MAP2K3: variants seen among roughly 807,000 people sequenced by gnomAD.
The protein encoded by MAP2K3 is mitogen-activated protein kinase kinase 3, also known as dual specificity mitogen-activated protein kinase kinase 3.
Under a neutral mutation model 46.4 loss-of-function variants are expected in MAP2K3, and 30 were observed. The ratio of observed to expected loss-of-function variants is 0.65; its 90% CI spans 0.48 to 0.88. The LOEUF (loss-of-function observed/expected upper bound fraction) is 0.88, where lower values mean the gene tolerates loss of function less well. MAP2K3 is among the 40% of genes least tolerant of loss of function. The pLI, the probability that MAP2K3 is intolerant of heterozygous loss-of-function variation, is 0.00. For missense variants in MAP2K3, 380 were observed against 464.5 expected, an observed-to-expected ratio of 0.82 and a Z score of 1.67; for synonymous variants, 189 against 176.3, an observed-to-expected ratio of 1.07 and a Z score of -0.57.
intron 1 of MAP2K3, chr17:21,296,351 T>G: frequency 2.1e-6 from 1 of 468,212 alleles, no homozygotes; most frequent in Non-Finnish European, 3.7e-6. Flanking sequence ...TCAGAGACTT[T>G]GGCCCAGAGG....
Position 21,302,143 on chromosome 17 carries a change from G to T in MAP2K3, c.400G>T (p.Gly134Ter). The change falls in exon 6 of 12, where the codon GGA becomes TGA. Residue 134 changes from glycine (G) to a stop codon, truncating the protein, a stop_gained and splice_region_variant. Transcript: ENST00000342679. LOFTEE classifies it high-confidence loss of function. ...GCTGAGCTCTGGGTGTCACCCACAG[G>T]GAGACGTGTGGATCTGCATGGAGCT... ...VTFYGALFRE[G>*]DVWICMELMD... is the part of the protein sequence containing the mutation. 1 of 1,614,276 alleles carries T rather than the reference G, an allele frequency of 6.2e-7. No individual in the cohort carries two copies. Among genetic ancestry groups the T allele is most frequent in the African/African-American group, 1.3e-5 (1 of 75,090 alleles).
At chr17:21,297,246 C>T (rs1337515534) in intron 1 of MAP2K3, among the ~76,000 whole-genome samples, 1 of 152,312 alleles carries the variant, frequency 6.6e-6, no homozygotes, top group Non-Finnish European at 1.5e-5. Flanking sequence ...CTGAACCTGG[C>T]TTGGAGGCGG....
intron 1 of MAP2K3, among the ~76,000 whole-genome samples, chr17:21,292,179 T>C (rs1375895081): frequency 6.6e-6 from 1 of 152,302 alleles, no homozygotes; most frequent in Non-Finnish European, 1.5e-5. Context: ...GGCTGTACTG[T>C]GCTCAGTGAG....
chr17:21,285,173 G>A (rs1975691267), intron 1 of MAP2K3: 2 of 925,984 alleles, frequency 2.2e-6, no homozygotes, highest in Non-Finnish European at 2.6e-6. Flanking sequence ...CCTTGGGACT[G>A]CACTCAGGCC....
At chr17:21,313,623 C>T in intron 11 of MAP2K3, 86 bp downstream of exon 11, 1 of 1,085,316 alleles carries the variant, frequency 9.2e-7, no homozygotes, top group Non-Finnish European at 1.4e-6. Context: ...GCATCCTGCA[C>T]ACAGATGGGT....
At chr17:21,309,988 TTTTTG>T (rs1428889713) in intron 9 of MAP2K3, among the ~76,000 whole-genome samples, 41 of 152,006 alleles carry the variant, frequency 2.7e-4, no homozygotes, top group Admixed American at 1.0e-3. Flanking sequence ...CTCTCTGTTT[TTTTTG>T]TTTTTTGTTT....
intron 1 of MAP2K3, chr17:21,296,283 G>C (rs1976246032): frequency 9.9e-7 from 1 of 1,013,636 alleles, no homozygotes; most frequent in African/African-American, 1.7e-5. Flanking sequence ...ACCATGCCAG[G>C]GTCGCAGAGC....
chr17:21,299,064 C>T (rs549204762), intron 3 of MAP2K3, 138 bp downstream of exon 3: 208 of 1,275,214 alleles, frequency 1.6e-4, no homozygotes, highest in African/African-American at 1.2e-3. Flanking sequence ...CCTCGTCCTG[C>T]GCTGCTGGCT....
chr17:21,295,895 G>A (rs1976217697), intron 1 of MAP2K3: 1 of 1,274,994 alleles, frequency 7.8e-7, no homozygotes, highest in Non-Finnish European at 1.0e-6. Flanking sequence ...GGGAGGGTGT[G>A]GCGTGGACCC....
At chr17:21,309,650 G>A (rs1027864596) in intron 9 of MAP2K3, among the ~76,000 whole-genome samples, 6 of 152,120 alleles carry the variant, frequency 3.9e-5, no homozygotes, top group Non-Finnish European at 8.8e-5. Context: ...GCCTCGCTCT[G>A]TCACCCATGC....
intron 1 of MAP2K3, chr17:21,295,769 G>A: frequency 7.8e-7 from 1 of 1,289,586 alleles, no homozygotes; most frequent in Non-Finnish European, 1.0e-6. Context: ...GCCCTTGACA[G>A]GTGGGGAAAC....
In MAP2K3 at chr17:21,304,306, G is replaced by A. The variant is rs1976767618; in HGVS notation, c.569-120G>A. The A allele has an allele frequency of 4.5e-6, 7 of 1,558,926 alleles. No individual in the cohort carries two copies. The Middle Eastern group carries it at 8.5e-4, about 190-fold the overall frequency. On this transcript the variant is annotated intron_variant, in intron 7 of 11. Transcript: ENST00000342679. ...ACCCTGGTGCAACCTGCCCACTGGG[G>A]CATGGGAGGGGGCACAGGAGGGGTC...
intron 7 of MAP2K3, among the ~76,000 whole-genome samples, chr17:21,303,936 G>A (rs948819510): frequency 6.6e-6 from 1 of 152,304 alleles, no homozygotes; most frequent in African/African-American, 2.4e-5. Context: ...TGGAGGGCAC[G>A]GGGATGTGAG....
intron 7 of MAP2K3, among the ~76,000 whole-genome samples, chr17:21,303,864 G>C (rs1976740291): frequency 1.3e-5 from 2 of 152,312 alleles, no homozygotes; most frequent in Non-Finnish European, 2.9e-5. Flanking sequence ...ACTGTGGTTG[G>C]CGGTTGGCAC....
chr17:21,307,498 C>T (rs1976949193), intron 9 of MAP2K3, among the ~76,000 whole-genome samples: 4 of 147,714 alleles, frequency 2.7e-5, no homozygotes, highest in Admixed American at 2.7e-4. Context: ...TGCAAAGGCC[C>T]TGAGGTGGGG....
At chr17:21,293,776 G>A (rs1976081352) in intron 1 of MAP2K3, among the ~76,000 whole-genome samples, 1 of 152,312 alleles carries the variant, frequency 6.6e-6, no homozygotes, top group African/African-American at 2.4e-5. Context: ...AGAAGGTAGG[G>A]CCTGCAGTGG....
At chr17:21,296,275 C>A (rs1242125698) in intron 1 of MAP2K3, 2 of 1,064,170 alleles carry the variant, frequency 1.9e-6, no homozygotes, top group East Asian at 5.9e-5. Context: ...AGGAGGGCAC[C>A]ATGCCAGGGT....
intron 5 of MAP2K3, among the ~76,000 whole-genome samples, 164 bp downstream of exon 5, chr17:21,301,157 C>T (rs1383606724): frequency 6.6e-6 from 1 of 152,312 alleles, no homozygotes; most frequent in Non-Finnish European, 1.5e-5. Context: ...CTCAGTGCCT[C>T]AGTTTCCTTG....
At chr17:21,289,262 GCTGGGGCCTGCTC>G (rs1446177771) in intron 1 of MAP2K3, among the ~76,000 whole-genome samples, 1 of 152,212 alleles carries the variant, frequency 6.6e-6, no homozygotes, top group Non-Finnish European at 1.5e-5. Flanking sequence ...GGAACAGAGA[GCTGGGGCCTGCTC>G]CTGCAGGCCT....
Sources: allele counts gnomAD v4.1 joint callset (sites outside exome capture counted in the v4.1 genomes callset), GRCh38; gene constraint gnomAD v4.1.1; transcripts MANE v1.5; gene names NCBI Gene and HGNC (gene_info 2026-07-23, HGNC 2026-07-21).